The following KCNJ8 variants were observed in gnomAD, a reference collection of about 807,000 sequenced individuals.
KCNJ8 encodes ATP-sensitive inward rectifier potassium channel 8.
Under a neutral mutation model 28.2 loss-of-function variants are expected in KCNJ8, and 13 were observed. That is an observed-to-expected ratio of 0.46 (90% CI 0.30 to 0.73). The LOEUF (loss-of-function observed/expected upper bound fraction) is 0.73, where lower values mean the gene tolerates loss of function less well. Among genes scored for constraint, KCNJ8 ranks in the 30% least tolerant of loss-of-function variants. The pLI, the probability that KCNJ8 is intolerant of heterozygous loss-of-function variation, is 0.07. For missense variants in KCNJ8, 284 were observed against 542.6 expected (o/e 0.52, Z 4.73); for synonymous variants, 188 against 195.9 (o/e 0.96, Z 0.34).
In KCNJ8 at chr12:21,766,529, T is replaced by A; in HGVS notation, c.469A>T (p.Thr157Ser). Reference sequence around the variant, plus strand: ...ACAATATTCTGGAGAATCAAAACCGTGATGGCCAAAGGGCATTCCTCTGTC... The same window carrying A: ...ACAATATTCTGGAGAATCAAAACCGAGATGGCCAAAGGGCATTCCTCTGTC... ...MMTEECPLAI[T>S]VLILQNIVGL... The change falls in exon 3 of 3, where the codon ACG becomes TCG. Residue 157 changes from threonine (T) to serine (S), a missense_variant. Transcript: ENST00000240662. This position sits in a 1 kb window ranked among gnomAD's most constrained non-coding sequence, Gnocchi z 6.5. 6.2e-7 allele frequency: 1 copy of A among 1,612,324 alleles called. No homozygotes were observed. Among genetic ancestry groups the A allele is most frequent in the Non-Finnish European group, 8.5e-7 (1 of 1,179,978 alleles).
At chr12:21,772,204 A>G (rs1279192977) in intron 2 of KCNJ8, among the ~76,000 whole-genome samples, 1 of 152,216 alleles carries the variant, frequency 6.6e-6, no homozygotes, top group Admixed American at 6.5e-5. Context: ...TAGAGGTCCC[A>G]TTCTTTACAG....
chr12:21,773,740 C>T lies in KCNJ8; in HGVS notation c.-70-54G>A. Reference sequence around the variant, plus strand: ...TTAAAAACCCACCCTATCCTCACCTCTTGGGTCCTTGTATTCAAGGATATG... The same window carrying T: ...TTAAAAACCCACCCTATCCTCACCTTTTGGGTCCTTGTATTCAAGGATATG... On this transcript the variant is annotated intron_variant, in intron 1 of 2. Transcript: ENST00000240662. This position sits in a 1 kb window ranked among gnomAD's most constrained non-coding sequence, Gnocchi z 4.6. 7.6e-7 allele frequency: 1 copy of T among 1,310,430 alleles called. No homozygotes were observed. The highest frequency in any genetic ancestry group is 1.1e-6 in the Non-Finnish European group (1 of 925,380). 81.2% of individuals were successfully genotyped at this position (1,310,430 alleles called of 1,614,324 possible).
Position 21,766,518 on chromosome 12 carries a change from A to T in KCNJ8, c.480T>A (p.Ile160=). 4 of 1,613,302 alleles carry T rather than the reference A, an allele frequency of 2.5e-6. No homozygotes were observed. Among genetic ancestry groups the T allele is most frequent in the Non-Finnish European group, 3.4e-6 (4 of 1,180,004 alleles). Residue 160 remains isoleucine, a synonymous_variant, in exon 3 of 3, where the codon ATT becomes ATA. Coordinates refer to ENST00000240662, the MANE Select transcript of KCNJ8 (RefSeq NM_004982.4). This position sits in a 1 kb window ranked among gnomAD's most constrained non-coding sequence, Gnocchi z 6.5. ...TGATCAAACCCACAATATTCTGGAG[A>T]ATCAAAACCGTGATGGCCAAAGGGC... ...EECPLAITVL[I]LQNIVGLIIN...
At position 21,765,444 on chromosome 12, in the gene KCNJ8, T is replaced by C. The variant is rs998108600; in HGVS notation, c.*279A>G. 8 of 475,662 alleles carry C rather than the reference T, an allele frequency of 1.7e-5. No individual in the cohort carries two copies. Among genetic ancestry groups the C allele is most frequent in the Non-Finnish European group, 3.9e-6 (1 of 259,676 alleles). 29.5% of individuals were successfully genotyped at this position (475,662 alleles called of 1,614,324 possible). On this transcript the variant is annotated 3_prime_UTR_variant, in exon 3 of 3. Transcript: ENST00000240662. ...CCTGTTACTATTAGTGTAATTCTTG[T>C]GTTTCAAATTGAGAGAAACGAGCAT...
In KCNJ8 at chr12:21,773,205, C is replaced by G; in HGVS notation, c.374+38G>C. 6.2e-7 allele frequency: 1 copy of G among 1,607,312 alleles called. No homozygotes were observed. Among genetic ancestry groups the G allele is most frequent in the South Asian group, 1.1e-5 (1 of 90,536 alleles). On this transcript the variant is annotated intron_variant, in intron 2 of 2. Coordinates refer to ENST00000240662, the MANE Select transcript of KCNJ8 (RefSeq NM_004982.4). This position sits in a 1 kb window ranked among gnomAD's most constrained non-coding sequence, Gnocchi z 4.6. ...AGGGCATTTTGACATTTTTTCTCTA[C>G]TGTTTTCAACCCCTGCCTCATCCCA...
In KCNJ8 at chr12:21,773,793, A is replaced by C; in HGVS notation, c.-70-107T>G. 2 of 781,006 alleles carry C rather than the reference A, an allele frequency of 2.6e-6. No individual in the cohort carries two copies. The highest frequency in any genetic ancestry group is 4.1e-6 in the Non-Finnish European group (2 of 490,144). 48.4% of individuals were successfully genotyped at this position (781,006 alleles called of 1,614,324 possible). On this transcript the variant is annotated intron_variant, in intron 1 of 2. Coordinates refer to ENST00000240662, the MANE Select transcript of KCNJ8 (RefSeq NM_004982.4). This position sits in a 1 kb window ranked among gnomAD's most constrained non-coding sequence, Gnocchi z 4.6. ...TGTACATGTGCGAGGTGACATGCAAAACCAAAAATGTGATTTTTACTAACC... is the reference window on the plus strand; with the variant it reads ...TGTACATGTGCGAGGTGACATGCAACACCAAAAATGTGATTTTTACTAACC...
At position 21,767,015 on chromosome 12, in the gene KCNJ8, A is replaced by C. The variant is rs982305882; in HGVS notation, c.375-392T>G. 7.2e-5 allele frequency among the ~76,000 whole-genome samples: 11 copies of C among 152,320 alleles called. No individual in the cohort carries two copies. The East Asian group carries it at 2.1e-3, about 29-fold the overall frequency. ...TTCACAAAGGCACAGTTTACTTTGT[A>C]AAACTTTCTACCAGGTAGATGTTTA... On this transcript the variant is annotated intron_variant, in intron 2 of 2. Coordinates refer to ENST00000240662, the MANE Select transcript of KCNJ8 (RefSeq NM_004982.4).
In KCNJ8 at chr12:21,769,180, A is replaced by C. The variant is rs1069915; in HGVS notation, c.375-2557T>G. ...GGAACTAATGCAGCTGGTAACATCA[A>C]GTTGAAGCCAATGGTCATTGATCAA... On this transcript the variant is annotated intron_variant, in intron 2 of 2. Transcript: ENST00000240662. 3.6e-3 allele frequency among the ~76,000 whole-genome samples: 552 copies of C among 152,338 alleles called. 5 individuals are homozygous for C. The highest frequency in any genetic ancestry group is 0.012 in the African/African-American group (502 of 41,574).
chr12:21,772,930 G>A (rs951059393), intron 2 of KCNJ8, among the ~76,000 whole-genome samples: 2 of 152,138 alleles, frequency 1.3e-5, no homozygotes, highest in African/African-American at 4.8e-5. Flanking sequence ...AACTCAATGT[G>A]TGCGCTTTTG....
Position 21,773,665 on chromosome 12 carries a change from C to T in KCNJ8, c.-49G>A. On this transcript the variant is annotated 5_prime_UTR_variant, in exon 2 of 3. Coordinates refer to ENST00000240662, the MANE Select transcript of KCNJ8 (RefSeq NM_004982.4). The surrounding 1 kb of genome is among the most constrained non-coding windows in gnomAD (Gnocchi z 4.6). ...AGCCACCTCCCTCTCACCTGCCTCT[C>T]CGTCCCTGGACACCCGTCCTCCTGC... The T allele has an allele frequency of 6.2e-7, 1 of 1,605,730 alleles. No individual in the cohort carries two copies. The highest frequency in any genetic ancestry group is 1.7e-5 in the Admixed American group (1 of 60,020).
At chr12:21,772,726 T>C (rs1305286470) in intron 2 of KCNJ8, among the ~76,000 whole-genome samples, 1 of 152,228 alleles carries the variant, frequency 6.6e-6, no homozygotes, top group Non-Finnish European at 1.5e-5. Flanking sequence ...AGGGATGATA[T>C]TTATTTCATT....
rs1321991067 is a variant in KCNJ8, at chr12:21,766,318, A to T, written c.680T>A (p.Ile227Asn). Residue 227 changes from isoleucine to asparagine, a missense_variant, in exon 3 of 3, where the codon ATC (isoleucine) becomes AAC (asparagine). Physicochemically the swap from Ile to Asn is moderately radical, Grantham distance 149 (BLOSUM62 -3). Around this residue, in one of 8 missense-constraint regions of KCNJ8, gnomAD observed 107 missense variants for 235.6 expected, o/e 0.45. Coordinates refer to ENST00000240662, the MANE Select transcript of KCNJ8 (RefSeq NM_004982.4). The surrounding 1 kb of genome is among the most constrained non-coding windows in gnomAD (Gnocchi z 6.5). ...TGTAGTTGTTTTCTTGACCACCTGGATGCGCACAGAGGCACTAATGATCAT... is the reference window on the plus strand; with the variant it reads ...TGTAGTTGTTTTCTTGACCACCTGGTTGCGCACAGAGGCACTAATGATCAT... The part of the protein sequence containing the change: ...KSMIISASVR[I>N]QVVKKTTTPE... 1 of 1,614,090 alleles carries T rather than the reference A, an allele frequency of 6.2e-7. No individual in the cohort carries two copies. The highest frequency in any genetic ancestry group is 1.3e-5 in the African/African-American group (1 of 74,910).
At chr12:21,771,031 T>A (rs1323242159) in intron 2 of KCNJ8, among the ~76,000 whole-genome samples, 1 of 152,226 alleles carries the variant, frequency 6.6e-6, no homozygotes, top group Non-Finnish European at 1.5e-5. Flanking sequence ...CTTTCTCTTT[T>A]GTTGCTAAAA....
At chr12:21,770,585 A>G (rs1043793734) in intron 2 of KCNJ8, among the ~76,000 whole-genome samples, 16 of 152,218 alleles carry the variant, frequency 1.1e-4, no homozygotes, top group Non-Finnish European at 2.4e-4. Flanking sequence ...TTCAAATTGC[A>G]CATCTACTCC....
In KCNJ8 at chr12:21,765,701, C is replaced by A. The variant is rs1591882737; in HGVS notation, c.*22G>T. On this transcript the variant is annotated 3_prime_UTR_variant, in exon 3 of 3. Transcript: ENST00000240662. ...TAAACCGTCAAAACTTGATAAAAGACTGTCTTGGGGTTATCTTGCTGTCAT... is the reference window on the plus strand; with the variant it reads ...TAAACCGTCAAAACTTGATAAAAGAATGTCTTGGGGTTATCTTGCTGTCAT... The A allele has an allele frequency of 6.2e-7, 1 of 1,610,158 alleles. No homozygotes were observed. Among genetic ancestry groups the A allele is most frequent in the Non-Finnish European group, 8.5e-7 (1 of 1,176,472 alleles).
chr12:21,770,591 A>G (rs1486480857), intron 2 of KCNJ8, among the ~76,000 whole-genome samples: 1 of 152,044 alleles, frequency 6.6e-6, no homozygotes, highest in Non-Finnish European at 1.5e-5. Context: ...TTGCACATCT[A>G]CTCCCTATCT....
In KCNJ8 at chr12:21,773,529, G is replaced by T. The variant is rs749697322; in HGVS notation, c.88C>A (p.Arg30Ser). The T allele has an allele frequency of 1.2e-6, 2 of 1,614,220 alleles. No homozygotes were observed. The highest frequency in any genetic ancestry group is 1.7e-6 in the Non-Finnish European group (2 of 1,180,046). Residue 30 changes from arginine to serine, a missense_variant, in exon 2 of 3, where the codon CGC becomes AGC. Physicochemically the swap from Arg to Ser is moderately radical, Grantham distance 110. Around this residue, in one of 8 missense-constraint regions of KCNJ8, gnomAD observed 54 missense variants for 77.5 expected, o/e 0.70. Coordinates refer to ENST00000240662, the MANE Select transcript of KCNJ8 (RefSeq NM_004982.4). This position sits in a 1 kb window ranked among gnomAD's most constrained non-coding sequence, Gnocchi z 4.6. Reference sequence around the variant, plus strand: ...GCGATGAAGCGGGCTTTGGGGAGGCGGTCTCGGATGCGCGGCTTGCGCAGG... The same window carrying T: ...GCGATGAAGCGGGCTTTGGGGAGGCTGTCTCGGATGCGCGGCTTGCGCAGG... ...ENLRKPRIRDRLPKARFIAKS... is the reference protein window; with the variant it reads ...ENLRKPRIRDSLPKARFIAKS...
intron 2 of KCNJ8, among the ~76,000 whole-genome samples, chr12:21,770,687 C>G (rs1040287856): frequency 6.6e-6 from 1 of 152,186 alleles, no homozygotes. Context: ...TGATTTACTC[C>G]CATATGGGAA....
chr12:21,766,709 C>T lies in KCNJ8; in HGVS notation c.375-86G>A, dbSNP rs1434946103. The T allele has an allele frequency of 2.5e-5, 28 of 1,115,522 alleles. No individual in the cohort carries two copies. Among genetic ancestry groups the T allele is most frequent in the Non-Finnish European group, 3.7e-5 (28 of 758,328 alleles). 69.1% of individuals were successfully genotyped at this position (1,115,522 alleles called of 1,614,324 possible). On this transcript the variant is annotated intron_variant, in intron 2 of 2. Transcript: ENST00000240662. This position sits in a 1 kb window ranked among gnomAD's most constrained non-coding sequence, Gnocchi z 6.5. Reference sequence around the variant, plus strand: ...CCAAGCTGAGCTTTTCATTTTCTTCCACCAAAGACTATTAAATGCTTGCAG... The same window carrying T: ...CCAAGCTGAGCTTTTCATTTTCTTCTACCAAAGACTATTAAATGCTTGCAG...
Sources: gnomAD v4.1 joint callset for allele counts (sites outside exome capture counted in the v4.1 genomes callset) on GRCh38, gnomAD v4.1.1 for gene constraint, gnomAD v4.1.1 regional missense constraint, Gnocchi (gnomAD v3.1) non-coding constraint, MANE v1.5 for transcripts, NCBI Gene and HGNC (gene_info 2026-07-23, HGNC 2026-07-21) for gene names.